SKAP1: variants seen among roughly 807,000 people sequenced by gnomAD.
SKAP1 encodes src kinase associated phosphoprotein 1.
Under a neutral mutation model 58.5 loss-of-function variants are expected in SKAP1, and 44 were observed. The ratio of observed to expected loss-of-function variants is 0.75; its 90% CI spans 0.59 to 0.97. The LOEUF (loss-of-function observed/expected upper bound fraction) is 0.97, where lower values mean the gene tolerates loss of function less well. Ranked by LOEUF, SKAP1 falls within the 50% of genes least tolerant of loss-of-function variation. The pLI, the probability that SKAP1 is intolerant of heterozygous loss-of-function variation, is 0.00. For synonymous variants in SKAP1, 127 were observed against 149.7 expected (o/e 0.85, Z 1.11); for missense variants, 390 against 435.2 (o/e 0.90, Z 0.92).
intron 10 of SKAP1, among the ~76,000 whole-genome samples, chr17:48,169,214 G>T (rs2064179256): frequency 6.6e-6 from 1 of 152,108 alleles, no homozygotes; most frequent in Non-Finnish European, 1.5e-5. Flanking sequence ...GTGGAAGGAG[G>T]AAATGAGATG....
intron 1 of SKAP1, among the ~76,000 whole-genome samples, chr17:48,420,408 T>C (rs1451320192): frequency 6.6e-6 from 1 of 152,214 alleles, no homozygotes; most frequent in African/African-American, 2.4e-5. Flanking sequence ...TGTGTCACTA[T>C]TGGTGGGAAC....
chr17:48,213,090 C>T (rs2064893828), intron 4 of SKAP1, among the ~76,000 whole-genome samples: 1 of 152,106 alleles, frequency 6.6e-6, no homozygotes, highest in Admixed American at 6.6e-5. Flanking sequence ...GCCTGTAATC[C>T]CAGCACTTTG....
intron 4 of SKAP1, among the ~76,000 whole-genome samples, chr17:48,314,853 G>C (rs1350610084): frequency 6.6e-6 from 1 of 152,210 alleles, no homozygotes; most frequent in Non-Finnish European, 1.5e-5. Flanking sequence ...AGGAATGTCA[G>C]TTTCTTTGAT....
chr17:48,190,892 C>T (rs2143536223), intron 4 of SKAP1, among the ~76,000 whole-genome samples: 1 of 152,158 alleles, frequency 6.6e-6, no homozygotes, highest in African/African-American at 2.4e-5. Context: ...GGATGAGGCA[C>T]AAGAATCTCT....
intron 4 of SKAP1, among the ~76,000 whole-genome samples, chr17:48,210,188 G>A (rs772890571): frequency 1.3e-5 from 2 of 152,278 alleles, no homozygotes; most frequent in East Asian, 1.9e-4. Context: ...ATGAGGTCAC[G>A]TGTGTGTGGC....
upstream of SKAP1, among the ~76,000 whole-genome samples, chr17:48,435,103 ACTCCAGC>A (rs2067933326): frequency 6.6e-6 from 1 of 152,184 alleles, no homozygotes; most frequent in Non-Finnish European, 1.5e-5. Flanking sequence ...GTGCCACTGC[ACTCCAGC>A]CTCGGCAACA....
intron 11 of SKAP1, among the ~76,000 whole-genome samples, chr17:48,159,093 T>C (rs1340382079): frequency 2.0e-5 from 3 of 152,196 alleles, no homozygotes; most frequent in Admixed American, 2.0e-4. Flanking sequence ...CTCCGGACTC[T>C]GCCTTTCAGA....
intron 4 of SKAP1, among the ~76,000 whole-genome samples, chr17:48,274,708 ATT>A (rs397758369): frequency 6.6e-6 from 1 of 150,392 alleles, no homozygotes; most frequent in Non-Finnish European, 1.5e-5. Context: ...AAAAAAAAAA[ATT>A]TTTTTTTCTT....
chr17:48,312,104 C>T (rs1346909784), intron 4 of SKAP1, among the ~76,000 whole-genome samples: 5 of 152,164 alleles, frequency 3.3e-5, no homozygotes, highest in Admixed American at 6.5e-5. Flanking sequence ...TTAACATTAA[C>T]ATACGATTTT....
At chr17:48,241,963 C>T (rs2065247821) in intron 4 of SKAP1, among the ~76,000 whole-genome samples, 1 of 152,166 alleles carries the variant, frequency 6.6e-6, no homozygotes, top group South Asian at 2.1e-4. Flanking sequence ...AAAGAATGTG[C>T]TTCCTGAATA....
intron 4 of SKAP1, among the ~76,000 whole-genome samples, chr17:48,202,583 A>G (rs1360280012): frequency 6.6e-6 from 1 of 152,216 alleles, no homozygotes; most frequent in Non-Finnish European, 1.5e-5. Context: ...TTTCTGTTTC[A>G]TCCGACAAAA....
chr17:48,321,594 C>T (rs1191506999), intron 4 of SKAP1, among the ~76,000 whole-genome samples: 3 of 151,806 alleles, frequency 2.0e-5, no homozygotes, highest in East Asian at 1.9e-4. Flanking sequence ...TAGCCAGGAT[C>T]GTCTCGATCT....
intron 4 of SKAP1, among the ~76,000 whole-genome samples, chr17:48,329,972 T>C (rs1475030311): frequency 6.6e-6 from 1 of 152,224 alleles, no homozygotes; most frequent in Non-Finnish European, 1.5e-5. Context: ...TGGCATGTGG[T>C]AGGCATTCAA....
chr17:48,151,209 T>C (rs1188049270), intron 11 of SKAP1, among the ~76,000 whole-genome samples: 2 of 152,152 alleles, frequency 1.3e-5, no homozygotes, highest in African/African-American at 2.4e-5. Flanking sequence ...GCATAGAGTA[T>C]AATTTGGTGA....
chr17:48,211,786 C>T (rs1354690399), intron 4 of SKAP1, among the ~76,000 whole-genome samples: 2 of 152,094 alleles, frequency 1.3e-5, no homozygotes, highest in African/African-American at 2.4e-5. Context: ...TCGCCCTTTC[C>T]TCTTCAGGCT....
intron 1 of SKAP1, among the ~76,000 whole-genome samples, chr17:48,399,032 A>T (rs1468945788): frequency 6.6e-6 from 1 of 152,072 alleles, no homozygotes; most frequent in Admixed American, 6.6e-5. Flanking sequence ...AAAGAAACAA[A>T]CAAACAAACA....
At chr17:48,208,777 A>G (rs2060677147) in intron 4 of SKAP1, among the ~76,000 whole-genome samples, 1 of 152,246 alleles carries the variant, frequency 6.6e-6, no homozygotes, top group African/African-American at 2.4e-5. Context: ...CAAAATCACC[A>G]TAGACAATTC....
At chr17:48,236,685 G>A (rs12948214) in intron 4 of SKAP1, among the ~76,000 whole-genome samples, 3,574 of 152,278 alleles carry the variant, frequency 0.023, 149 homozygotes, top group African/African-American at 0.082. Flanking sequence ...AATCTTGAAG[G>A]AAGAGAAGGA....
At chr17:48,239,754 A>T (rs1010145552) in intron 4 of SKAP1, among the ~76,000 whole-genome samples, 2 of 151,998 alleles carry the variant, frequency 1.3e-5, no homozygotes, top group Admixed American at 6.6e-5. Context: ...ATGACATTAC[A>T]CATACTCACA....
Sources: gnomAD v4.1 joint callset for allele counts (sites outside exome capture counted in the v4.1 genomes callset) on GRCh38, gnomAD v4.1.1 for gene constraint, MANE v1.5 for transcripts, NCBI Gene and HGNC (gene_info 2026-07-23, HGNC 2026-07-21) for gene names.